TAFA5: variants seen among roughly 807,000 people sequenced by gnomAD.
The protein encoded by TAFA5 is TAFA chemokine like family member 5.
Under a neutral mutation model 15.3 loss-of-function variants are expected in TAFA5, and 6 were observed. The ratio of observed to expected loss-of-function variants is 0.39; its 90% CI spans 0.21 to 0.77. TAFA5 has a LOEUF of 0.77. Among genes scored for constraint, TAFA5 ranks in the 30% least tolerant of loss-of-function variants. TAFA5 has a pLI of 0.41. For missense variants in TAFA5, 161 were observed against 193.1 expected, an observed-to-expected ratio of 0.83 and a Z score of 0.98; for synonymous variants, 103 against 80.7, an observed-to-expected ratio of 1.28 and a Z score of -1.48.
chr22:48,620,567 T>G (rs1925764214), intron 1 of TAFA5, among the ~76,000 whole-genome samples: 1 of 26,400 alleles, frequency 3.8e-5, no homozygotes, highest in South Asian at 1.3e-3. Context: ...GATCTCTGAA[T>G]CATCCATGTA....
At chr22:48,642,828 G>T (rs1926732643) in intron 1 of TAFA5, among the ~76,000 whole-genome samples, 1 of 152,220 alleles carries the variant, frequency 6.6e-6, no homozygotes, top group African/African-American at 2.4e-5. Flanking sequence ...TGTGGTGTGT[G>T]TGCATGCACA....
At chr22:48,717,432 A>T (rs13057730) in intron 3 of TAFA5, among the ~76,000 whole-genome samples, 30,694 of 152,254 alleles carry the variant, frequency 0.2, 3,303 homozygotes, top group Middle Eastern at 0.28. Context: ...TCAGGGGACA[A>T]GAGGTGTCTC....
chr22:48,622,312 G>A (rs1156296463), intron 1 of TAFA5, among the ~76,000 whole-genome samples: 2 of 152,174 alleles, frequency 1.3e-5, no homozygotes, highest in East Asian at 3.8e-4. Context: ...CACATGGGGG[G>A]CAGGCCCTGG....
chr22:48,523,368 A>G (rs1443131372), intron 1 of TAFA5, among the ~76,000 whole-genome samples: 1 of 152,222 alleles, frequency 6.6e-6, no homozygotes, highest in Non-Finnish European at 1.5e-5. Flanking sequence ...CTGAGTCAGC[A>G]AACTCCCCTG....
chr22:48,721,844 C>T (rs1277293438), intron 3 of TAFA5, among the ~76,000 whole-genome samples: 2 of 152,180 alleles, frequency 1.3e-5, no homozygotes, highest in African/African-American at 4.8e-5. Flanking sequence ...TGGCACGCAC[C>T]TGTGATCCTA....
intron 1 of TAFA5, among the ~76,000 whole-genome samples, chr22:48,633,200 C>T (rs2097238589): frequency 6.6e-6 from 1 of 152,196 alleles, no homozygotes; most frequent in South Asian, 2.1e-4. Flanking sequence ...ACCTGAACCC[C>T]ACGACCTTTG....
intron 1 of TAFA5, among the ~76,000 whole-genome samples, chr22:48,597,918 G>A (rs758107453): frequency 1.3e-5 from 2 of 152,220 alleles, no homozygotes; most frequent in Admixed American, 6.5e-5. Context: ...TGACTTGAGC[G>A]TGACGCTGAT....
intron 1 of TAFA5, among the ~76,000 whole-genome samples, chr22:48,520,022 C>T (rs1921548259): frequency 6.6e-6 from 1 of 152,236 alleles, no homozygotes; most frequent in South Asian, 2.1e-4. Context: ...GCCCGGTGTC[C>T]TTAGAAGATG....
chr22:48,642,048 AG>A (rs1018776614), intron 1 of TAFA5, among the ~76,000 whole-genome samples: 19 of 151,436 alleles, frequency 1.3e-4, no homozygotes, highest in African/African-American at 4.1e-4. Flanking sequence ...CAGCATGCTG[AG>A]GGGGGCAGCC....
chr22:48,626,483 T>C (rs1272379578), intron 1 of TAFA5, among the ~76,000 whole-genome samples: 1 of 152,246 alleles, frequency 6.6e-6, no homozygotes, highest in Non-Finnish European at 1.5e-5. Flanking sequence ...TTTGCCATTT[T>C]TTTGGTGAAG....
intron 3 of TAFA5, among the ~76,000 whole-genome samples, chr22:48,732,144 T>C (rs1394330395): frequency 1.3e-5 from 2 of 152,186 alleles, no homozygotes; most frequent in Non-Finnish European, 2.9e-5. Context: ...GAGAACTCGA[T>C]TTGGAAGTGG....
At chr22:48,500,923 C>T (rs1920948273) in intron 1 of TAFA5, among the ~76,000 whole-genome samples, 1 of 152,150 alleles carries the variant, frequency 6.6e-6, no homozygotes, top group African/African-American at 2.4e-5. Context: ...GCTTGGGGTC[C>T]TGTCAGGGAC....
Position 48,522,010 on chromosome 22 carries a change from G to A in TAFA5, c.112+32306G>A, listed in dbSNP as rs78380891. ...AGTGCCCACCCTCCGGATGGGGAGC[G>A]CATGGTTACTTCCCTTGCGGCCTTA... On this transcript the variant is annotated intron_variant, in intron 1 of 3. Transcript: ENST00000402357. 7.3e-3 allele frequency among the ~76,000 whole-genome samples: 1,111 copies of A among 152,340 alleles called. 12 individuals carry two copies. The highest frequency in any genetic ancestry group is 0.026 in the African/African-American group (1,061 of 41,580).
intron 1 of TAFA5, among the ~76,000 whole-genome samples, chr22:48,539,948 G>T (rs1204050360): frequency 6.6e-6 from 1 of 152,138 alleles, no homozygotes; most frequent in Non-Finnish European, 1.5e-5. Context: ...AGAGGAGTTT[G>T]GTTCGATTCC....
At chr22:48,540,496 A>G (rs971630779) in intron 1 of TAFA5, among the ~76,000 whole-genome samples, 1 of 152,158 alleles carries the variant, frequency 6.6e-6, no homozygotes, top group Non-Finnish European at 1.5e-5. Flanking sequence ...AATGGGGCAC[A>G]TAAGCCTTTG....
intron 2 of TAFA5, among the ~76,000 whole-genome samples, chr22:48,675,843 C>T (rs1366432580): frequency 2.0e-5 from 3 of 152,262 alleles, no homozygotes; most frequent in African/African-American, 7.2e-5. Context: ...AGGAGTGCAG[C>T]CCTGAAGCCT....
chr22:48,617,544 G>C (rs773249014), intron 1 of TAFA5, among the ~76,000 whole-genome samples: 3 of 152,230 alleles, frequency 2.0e-5, no homozygotes, highest in Non-Finnish European at 4.4e-5. Flanking sequence ...CCCCGGAAGC[G>C]CCTCTCGCAG....
intron 1 of TAFA5, among the ~76,000 whole-genome samples, chr22:48,500,920 G>A (rs1920948264): frequency 6.6e-6 from 1 of 152,146 alleles, no homozygotes; most frequent in Admixed American, 6.5e-5. Flanking sequence ...CATGCTTGGG[G>A]TCCTGTCAGG....
intron 3 of TAFA5, among the ~76,000 whole-genome samples, chr22:48,729,734 C>CATAAAT (rs1368593365): frequency 6.9e-6 from 1 of 145,612 alleles, no homozygotes; most frequent in East Asian, 2.0e-4. Context: ...AAATATAAAA[C>CATAAAT]ATAAATATAA....
Sources: gnomAD v4.1 joint callset for allele counts (sites outside exome capture counted in the v4.1 genomes callset) on GRCh38, gnomAD v4.1.1 for gene constraint, MANE v1.5 for transcripts, NCBI Gene and HGNC (gene_info 2026-07-23, HGNC 2026-07-21) for gene names.